Variants in NOTCH2 observed in about 807,000 individuals in gnomAD.
The protein encoded by NOTCH2 is neurogenic locus notch homolog protein 2.
A neutral mutation model predicts 235.8 loss-of-function variants in NOTCH2; 29 were observed. That is an observed-to-expected ratio of 0.12 (90% CI 0.09 to 0.17). The LOEUF is 0.17. NOTCH2 is among the 10% of genes least tolerant of loss of function. NOTCH2 has a pLI of 1.00. For missense variants in NOTCH2, 2,285 were observed against 3,150.2 expected (o/e 0.73, Z 6.57); for synonymous variants, 1,086 against 1,141.5 (o/e 0.95, Z 0.98).
intron 14 of NOTCH2, among the ~76,000 whole-genome samples, chr1:119,952,035 C>G (rs1166693256): frequency 6.6e-6 from 1 of 152,146 alleles, no homozygotes; most frequent in African/African-American, 2.4e-5. Context: ...CTAAAACATG[C>G]TGATGTATCA....
intron 26 of NOTCH2, among the ~76,000 whole-genome samples, chr1:119,923,436 C>T (rs587677033): frequency 6.6e-6 from 1 of 152,298 alleles, no homozygotes; most frequent in East Asian, 1.9e-4. Flanking sequence ...CTCCTGTGTA[C>T]CCCTGCCCAC....
At chr1:120,033,454 T>C (rs1161024687) in intron 1 of NOTCH2, among the ~76,000 whole-genome samples, 2 of 110,274 alleles carry the variant, frequency 1.8e-5, no homozygotes, top group African/African-American at 3.5e-5. Flanking sequence ...CTGTGGTAGA[T>C]ATATACAATG....
At chr1:120,000,244 G>T (rs1245551812) in intron 3 of NOTCH2, among the ~76,000 whole-genome samples, 13 of 151,710 alleles carry the variant, frequency 8.6e-5, no homozygotes, top group African/African-American at 3.2e-4. Context: ...TATAAAAGAT[G>T]ATCAGAATCG....
At chr1:119,944,314 T>C (rs1360942068) in intron 17 of NOTCH2, among the ~76,000 whole-genome samples, 1 of 151,878 alleles carries the variant, frequency 6.6e-6, no homozygotes, top group Non-Finnish European at 1.5e-5. Context: ...GGTGGACGGA[T>C]AACAAGATCA....
At chr1:119,922,570 G>T in intron 27 of NOTCH2, 66 bp downstream of exon 27, 1 of 1,610,532 alleles carries the variant, frequency 6.2e-7, no homozygotes, top group Non-Finnish European at 8.5e-7. Flanking sequence ...GCTACATAAT[G>T]AAAATTGTTC....
chr1:119,915,417 G>A lies in NOTCH2; in HGVS notation c.7305C>T (p.Asp2435=). The change falls in exon 34 of 34, where the codon GAC becomes GAT. Residue 2435 remains aspartate (D), a synonymous_variant. Coordinates refer to ENST00000256646, the MANE Select transcript of NOTCH2 (RefSeq NM_024408.4). ...WSSSSPHSAS[D]WSDVTTSPTP... is the part of the protein sequence containing the mutation. ...TAGGGCTGGTGGTCACATCTGACCA[G>A]TCAGAAGCAGAGTGGGGTGATGAAC... 6.2e-7 allele frequency: 1 copy of A among 1,614,208 alleles called. No homozygotes were observed. The highest frequency in any genetic ancestry group is 8.5e-7 in the Non-Finnish European group (1 of 1,180,024).
In NOTCH2 at chr1:119,923,668, G is replaced by A. The variant is rs768613152; in HGVS notation, c.4828C>T (p.Leu1610Phe). The change falls in exon 26 of 34, where the codon CTT (leucine) becomes TTT (phenylalanine). Residue 1610 changes from leucine to phenylalanine, a missense_variant. By Grantham distance (22) the Leu-to-Phe change is conservative (BLOSUM62 0). Transcript: ENST00000256646. ...ACCTCCTGTTCTTGTTCACCAGGAA[G>A]GGATCTGCGTGTCATCCTCTGTTTC... ...MKKQRMTRRS[L>F]PGEQEQEVAG... 6.2e-7 allele frequency: 1 copy of A among 1,614,032 alleles called. No homozygotes were observed. The highest frequency in any genetic ancestry group is 1.3e-5 in the African/African-American group (1 of 74,914).
chr1:119,945,600 G>C lies in NOTCH2; in HGVS notation c.2752+2814C>G, dbSNP rs145076982. On this transcript the variant is annotated intron_variant, in intron 17 of 33. Coordinates refer to ENST00000256646, the MANE Select transcript of NOTCH2 (RefSeq NM_024408.4). ...TCAGGCAAAGTAGACTTCAGAGAGA[G>C]AAATATGACAAGAGTTTAAAAAGGC... 9.4e-4 allele frequency among the ~76,000 whole-genome samples: 143 copies of C among 152,120 alleles called. 1 individual carries two copies. The highest frequency in any genetic ancestry group is 3.3e-3 in the African/African-American group (137 of 41,540).
At chr1:119,931,911 T>C (rs1451387731) in intron 22 of NOTCH2, among the ~76,000 whole-genome samples, 3 of 150,254 alleles carry the variant, frequency 2.0e-5, no homozygotes, top group Non-Finnish European at 3.0e-5. Flanking sequence ...AATATATTTG[T>C]TTTTTTATAT....
chr1:119,926,171 C>T (rs1448212812), intron 24 of NOTCH2, among the ~76,000 whole-genome samples: 1 of 152,202 alleles, frequency 6.6e-6, no homozygotes, highest in Non-Finnish European at 1.5e-5. Context: ...AGCCTGGGGC[C>T]AAGAAGCCCC....
chr1:119,974,562 G>A (rs1007797481), intron 5 of NOTCH2, among the ~76,000 whole-genome samples: 21 of 151,244 alleles, frequency 1.4e-4, no homozygotes, highest in Admixed American at 1.3e-3. Context: ...CTTTTGCCTC[G>A]TAAATATACT....
At chr1:120,001,726 C>G (rs587638786) in intron 3 of NOTCH2, among the ~76,000 whole-genome samples, 3 of 152,178 alleles carry the variant, frequency 2.0e-5, no homozygotes, top group Non-Finnish European at 4.4e-5. Flanking sequence ...TGCAATGGTT[C>G]TGCCAAGACT....
intron 17 of NOTCH2, among the ~76,000 whole-genome samples, chr1:119,944,922 T>G (rs1200780167): frequency 2.0e-5 from 3 of 152,016 alleles, no homozygotes; most frequent in Admixed American, 2.0e-4. Flanking sequence ...GAAACACAAA[T>G]CTACATAAAA....
chr1:119,926,921 TG>T (rs1649495789), intron 23 of NOTCH2, among the ~76,000 whole-genome samples: 1 of 152,250 alleles, frequency 6.6e-6, no homozygotes, highest in Non-Finnish European at 1.5e-5. Flanking sequence ...TTCAGCTTTT[TG>T]AAGTCATTTT....
intron 7 of NOTCH2, 39 bp downstream of exon 7, chr1:119,968,038 C>T (rs587601758): frequency 1.2e-6 from 2 of 1,612,196 alleles, no homozygotes; most frequent in Admixed American, 1.7e-5. Flanking sequence ...CTGAGCTCAA[C>T]AGACACTTCA....
At chr1:119,935,178 T>G (rs1649803452) in intron 22 of NOTCH2, 15 of 1,256,856 alleles carry the variant, frequency 1.2e-5, no homozygotes, top group Non-Finnish European at 1.4e-5. Context: ...GAAATCTTAC[T>G]GACCAGGCTA....
chr1:119,933,514 T>A (rs1649737442), intron 22 of NOTCH2, among the ~76,000 whole-genome samples: 1 of 152,084 alleles, frequency 6.6e-6, no homozygotes. Context: ...AGATAAAGAA[T>A]CTTGAAGGCA....
At chr1:119,964,487 TG>T (rs1651063413) in intron 10 of NOTCH2, among the ~76,000 whole-genome samples, 1 of 152,178 alleles carries the variant, frequency 6.6e-6, no homozygotes, top group East Asian at 1.9e-4. Context: ...AAGAAGAATC[TG>T]GCCAGGGGAA....
At chr1:119,935,104 A>G (rs782586966) in intron 22 of NOTCH2, 2 of 985,198 alleles carry the variant, frequency 2.0e-6, no homozygotes, top group African/African-American at 3.5e-5. Flanking sequence ...AAAAAAATAC[A>G]AAAGCAGGTA....
Sources: allele counts gnomAD v4.1 joint callset (sites outside exome capture counted in the v4.1 genomes callset), GRCh38; gene constraint gnomAD v4.1.1; transcripts MANE v1.5; gene names NCBI Gene and HGNC (gene_info 2026-07-23, HGNC 2026-07-21).